Variants in ADAM23 observed in about 807,000 individuals in gnomAD.
ADAM23 encodes the protein ADAM metallopeptidase domain 23, also known as disintegrin and metalloproteinase domain-containing protein 23.
ADAM23 carries 33 observed loss-of-function variants against 120.1 expected under a neutral mutation model. That is an observed-to-expected ratio of 0.27 (90% confidence interval 0.21 to 0.37). The LOEUF (loss-of-function observed/expected upper bound fraction) is 0.37, where lower values mean the gene tolerates loss of function less well. Ranked by LOEUF, ADAM23 falls within the 10% of genes least tolerant of loss-of-function variation. ADAM23 has a pLI of 1.00. For synonymous variants in ADAM23, 367 were observed against 375.2 expected (o/e 0.98, Z 0.25); for missense variants, 862 against 1,058.2 (o/e 0.81, Z 2.57).
chr2:206,493,374 A>G (rs907419838), intron 3 of ADAM23, among the ~76,000 whole-genome samples: 1 of 151,938 alleles, frequency 6.6e-6, no homozygotes, highest in Non-Finnish European at 1.5e-5. Flanking sequence ...CTGGCTTTTT[A>G]TTTATTTATT....
chr2:206,532,021 T>C (rs1187411159), intron 4 of ADAM23, among the ~76,000 whole-genome samples: 1 of 152,218 alleles, frequency 6.6e-6, no homozygotes, highest in Non-Finnish European at 1.5e-5. Context: ...TTAAGAACTT[T>C]CATGTATCAT....
At chr2:206,589,324 G>T in intron 20 of ADAM23, 85 bp from the exon 21 acceptor site, 2 of 1,045,920 alleles carry the variant, frequency 1.9e-6, no homozygotes, top group Non-Finnish European at 1.4e-6. Context: ...GGAGAATCGG[G>T]TGTTAAACAC....
chr2:206,516,620 A>T (rs896642956), intron 3 of ADAM23, among the ~76,000 whole-genome samples: 5 of 152,042 alleles, frequency 3.3e-5, no homozygotes, highest in African/African-American at 1.2e-4. Flanking sequence ...TAAAAAAGAG[A>T]GGACTTCACC....
chr2:206,616,911 G>C (rs1698944698), intron 25 of ADAM23, among the ~76,000 whole-genome samples: 1 of 152,126 alleles, frequency 6.6e-6, no homozygotes, highest in South Asian at 2.1e-4. Flanking sequence ...TGTGAGCAAA[G>C]CATTTTAACT....
At chr2:206,583,696 A>T (rs1698266558) in intron 18 of ADAM23, among the ~76,000 whole-genome samples, 1 of 151,920 alleles carries the variant, frequency 6.6e-6, no homozygotes, top group Non-Finnish European at 1.5e-5. Context: ...AATGTGTCCA[A>T]AGTTTCCTGA....
chr2:206,491,676 GA>G (rs1696137830), intron 3 of ADAM23, among the ~76,000 whole-genome samples: 2 of 152,196 alleles, frequency 1.3e-5, no homozygotes, highest in Non-Finnish European at 2.9e-5. Flanking sequence ...AAGCATCTGA[GA>G]TAAGTTTATT....
chr2:206,611,726 G>A (rs1698831445), intron 25 of ADAM23, among the ~76,000 whole-genome samples: 1 of 152,190 alleles, frequency 6.6e-6, no homozygotes, highest in Non-Finnish European at 1.5e-5. Context: ...CAAAACAGTG[G>A]CCTGGCCTAG....
At chr2:206,510,491 G>A (rs777390532) in intron 3 of ADAM23, among the ~76,000 whole-genome samples, 1 of 151,294 alleles carries the variant, frequency 6.6e-6, no homozygotes, top group Non-Finnish European at 1.5e-5. Flanking sequence ...TTTGTGTTTT[G>A]TTTAGTAACC....
chr2:206,474,952 G>A (rs1253889232), intron 2 of ADAM23, among the ~76,000 whole-genome samples: 9 of 152,056 alleles, frequency 5.9e-5, no homozygotes, highest in African/African-American at 1.4e-4. Context: ...TTTATTGACC[G>A]GAAAACATTG....
intron 3 of ADAM23, among the ~76,000 whole-genome samples, chr2:206,492,163 A>G (rs1198073255): frequency 6.6e-6 from 1 of 152,224 alleles, no homozygotes; most frequent in East Asian, 1.9e-4. Flanking sequence ...GGATGTTTTT[A>G]TCCCACATAG....
intron 2 of ADAM23, among the ~76,000 whole-genome samples, chr2:206,467,504 A>G (rs1324307079): frequency 6.6e-6 from 1 of 152,208 alleles, no homozygotes; most frequent in Non-Finnish European, 1.5e-5. Flanking sequence ...TCCAGGGCAC[A>G]CTGTTGTGAG....
At chr2:206,533,450 G>A (rs548799766) in intron 4 of ADAM23, among the ~76,000 whole-genome samples, 2 of 152,248 alleles carry the variant, frequency 1.3e-5, no homozygotes, top group East Asian at 1.9e-4. Context: ...TGATCCACCC[G>A]CCTCAGCCTC....
At chr2:206,449,220 T>A (rs1419391605) in intron 2 of ADAM23, among the ~76,000 whole-genome samples, 2 of 152,248 alleles carry the variant, frequency 1.3e-5, no homozygotes, top group Non-Finnish European at 2.9e-5. Flanking sequence ...AAAACATTGC[T>A]TTTTTCTTAT....
In ADAM23 at chr2:206,619,781, A is replaced by G. The variant is rs1699020327; in HGVS notation, c.*2154A>G. 6.6e-6 allele frequency: 1 copy of G among 152,316 alleles called. No homozygotes were observed. Among genetic ancestry groups the G allele is most frequent in the African/African-American group, 2.4e-5 (1 of 41,580 alleles). 9.4% of individuals were successfully genotyped at this position (152,316 alleles called of 1,614,324 possible). A position where few individuals can be genotyped will look rare whatever the true frequency, so the allele number is the denominator to read the frequency against. On this transcript the variant is annotated 3_prime_UTR_variant, in exon 26 of 26. Transcript: ENST00000264377. ...CTATATTCTACAATAGACCATCACCAAACATCTTATCATGTTGTTGCTTTC... is the reference window on the plus strand; with the variant it reads ...CTATATTCTACAATAGACCATCACCGAACATCTTATCATGTTGTTGCTTTC...
At chr2:206,535,174 A>G (rs1056937173) in intron 4 of ADAM23, among the ~76,000 whole-genome samples, 8 of 152,168 alleles carry the variant, frequency 5.3e-5, no homozygotes, top group Admixed American at 4.6e-4. Flanking sequence ...CTCCTCCAGT[A>G]TAGCTCTATA....
intron 3 of ADAM23, among the ~76,000 whole-genome samples, chr2:206,516,745 T>C (rs1264073677): frequency 2.0e-5 from 3 of 152,148 alleles, no homozygotes; most frequent in Non-Finnish European, 2.9e-5. Flanking sequence ...CGTTCACTCT[T>C]GAAGGATTTC....
intron 8 of ADAM23, among the ~76,000 whole-genome samples, chr2:206,549,791 T>C (rs1697475355): frequency 6.6e-6 from 1 of 152,108 alleles, no homozygotes; most frequent in Admixed American, 6.5e-5. Context: ...AATTATGCTA[T>C]AATTTTTCTC....
chr2:206,577,037 TAG>T (rs1698128909), intron 18 of ADAM23, among the ~76,000 whole-genome samples: 1 of 152,162 alleles, frequency 6.6e-6, no homozygotes, highest in Non-Finnish European at 1.5e-5. Context: ...GAATGACATT[TAG>T]AGACTGAATC....
intron 24 of ADAM23, among the ~76,000 whole-genome samples, chr2:206,598,488 G>A (rs1006447070): frequency 6.6e-6 from 1 of 151,996 alleles, no homozygotes; most frequent in Non-Finnish European, 1.5e-5. Context: ...ATTTAATGTG[G>A]TAGTATCCCA....
Sources: gnomAD v4.1 joint callset for allele counts (sites outside exome capture counted in the v4.1 genomes callset) on GRCh38, gnomAD v4.1.1 for gene constraint, MANE v1.5 for transcripts, NCBI Gene and HGNC (gene_info 2026-07-23, HGNC 2026-07-21) for gene names.